Variants in TNPO2 observed in about 807,000 individuals in gnomAD.
TNPO2 encodes the protein transportin 2.
Under a neutral mutation model 111.1 loss-of-function variants are expected in TNPO2, and 16 were observed. The ratio of observed to expected loss-of-function variants is 0.14; its 90% CI spans 0.10 to 0.22. The LOEUF is 0.22. TNPO2 is among the 10% of genes least tolerant of loss of function. The probability of loss-of-function intolerance (pLI) is 1.00; values close to 1 mark genes in which losing one functional copy is unlikely to be tolerated. For missense variants in TNPO2, 530 were observed against 1,173.7 expected, an observed-to-expected ratio of 0.45 and a Z score of 8.01; for synonymous variants, 481 against 475.8, an observed-to-expected ratio of 1.01 and a Z score of -0.14.
chr19:12,706,307 G>A lies in TNPO2; in HGVS notation c.1557C>T (p.Ile519=), dbSNP rs1387539348. The change falls in exon 15 of 26, where the codon ATC becomes ATT. Residue 519 remains isoleucine, a synonymous_variant. Transcript: ENST00000425528. This position sits in a 1 kb window ranked among gnomAD's most constrained non-coding sequence, Gnocchi z 7.0. ...CTELVPYLSY[I]LDTLVFAFGK... ...CAAAGGCAAAGACAAGGGTGTCCAGGATGTAGCTGAGGTAGGGCACCAGCT... is the reference window on the plus strand; with the variant it reads ...CAAAGGCAAAGACAAGGGTGTCCAGAATGTAGCTGAGGTAGGGCACCAGCT... 3 of 1,613,918 alleles carry A rather than the reference G, an allele frequency of 1.9e-6. No homozygotes were observed. The highest frequency in any genetic ancestry group is 2.2e-5 in the South Asian group (2 of 91,092).
intron 10 of TNPO2, among the ~76,000 whole-genome samples, chr19:12,713,962 A>C (rs2026218401): frequency 6.6e-6 from 1 of 151,968 alleles, no homozygotes; most frequent in Admixed American, 6.6e-5. Flanking sequence ...CTGGGAGGTC[A>C]AGGCTGCAGT....
At chr19:12,704,044 C>T (rs959650965) in intron 18 of TNPO2, among the ~76,000 whole-genome samples, 4 of 152,274 alleles carry the variant, frequency 2.6e-5, no homozygotes, top group South Asian at 2.1e-4. Flanking sequence ...TAAAAATCCA[C>T]GGATGTGCAA....
Position 12,701,882 on chromosome 19 carries a change from G to T in TNPO2, c.2412-31C>A. On this transcript the variant is annotated intron_variant, in intron 22 of 25. Transcript: ENST00000425528. The surrounding 1 kb of genome is among the most constrained non-coding windows in gnomAD (Gnocchi z 5.0). The stretch of plus-strand genomic sequence containing the variant: ...GGAAGGTGAGCAGCTGGAGGTCAGA[G>T]GGCAGGCTGGGCATGCATCTGTGGA... The T allele has an allele frequency of 6.3e-7, 1 of 1,577,780 alleles. No homozygotes were observed. Among genetic ancestry groups the T allele is most frequent in the South Asian group, 1.1e-5 (1 of 90,356 alleles).
chr19:12,703,611 T>A (rs2025457978), intron 19 of TNPO2, 85 bp from the exon 20 acceptor site: 5 of 1,569,990 alleles, frequency 3.2e-6, no homozygotes, highest in Non-Finnish European at 8.8e-7. Context: ...CATCAGACAG[T>A]ACGAATACAT....
At position 12,701,778 on chromosome 19, in the gene TNPO2, C is replaced by G. The variant is rs769870314; in HGVS notation, c.2485G>C (p.Gly829Arg). 1 of 1,613,854 alleles carries G rather than the reference C, an allele frequency of 6.2e-7. No individual in the cohort carries two copies. Among genetic ancestry groups the G allele is most frequent in the Admixed American group, 1.7e-5 (1 of 60,020 alleles). The change falls in exon 23 of 26, where the codon GGT becomes CGT. Residue 829 changes from glycine to arginine, a missense_variant. Physicochemically the swap from Gly to Arg is moderately radical, Grantham distance 125. Transcript: ENST00000425528. The surrounding 1 kb of genome is among the most constrained non-coding windows in gnomAD (Gnocchi z 5.0). ...SAFRGICMMI[G>R]VNPGGVVQDF... ...TGCACAACGCCCCCCGGGTTGACACCGATCATCATGCAGATGCCGCGGAAG... is the reference window on the plus strand; with the variant it reads ...TGCACAACGCCCCCCGGGTTGACACGGATCATCATGCAGATGCCGCGGAAG...
intron 10 of TNPO2, 111 bp from the exon 11 acceptor site, chr19:12,711,724 A>G (rs184581908): frequency 1.3e-4 from 112 of 858,598 alleles, no homozygotes; most frequent in Admixed American, 2.4e-4. Flanking sequence ...CAGCCCCCCA[A>G]TCAGCCACAG....
In TNPO2 at chr19:12,710,891, T is replaced by C. The variant is rs532848675; in HGVS notation, c.1118-118A>G. 7 of 1,113,174 alleles carry C rather than the reference T, an allele frequency of 6.3e-6. No homozygotes were observed. The African/African-American group carries it at 6.4e-5, about 10-fold the overall frequency. The allele number at this position is 1,113,174 out of a possible 1,614,324, so 69.0% of individuals were successfully genotyped here. On this transcript the variant is annotated intron_variant, in intron 12 of 25. Coordinates refer to ENST00000425528, the MANE Select transcript of TNPO2 (RefSeq NM_001382241.1). Reference sequence around the variant, plus strand: ...CTCAGAATCTTCACGATCAGCTTCTTTTTTTTTGTTTTGTTTTTTTGAGAC... The same window carrying C: ...CTCAGAATCTTCACGATCAGCTTCTCTTTTTTTGTTTTGTTTTTTTGAGAC...
chr19:12,702,013 G>C lies in TNPO2; in HGVS notation c.2411+59C>G. 4 of 1,543,316 alleles carry C rather than the reference G, an allele frequency of 2.6e-6. No homozygotes were observed. The highest frequency in any genetic ancestry group is 2.7e-6 in the Non-Finnish European group (3 of 1,116,494). On this transcript the variant is annotated intron_variant, in intron 22 of 25. Coordinates refer to ENST00000425528, the MANE Select transcript of TNPO2 (RefSeq NM_001382241.1). This position sits in a 1 kb window ranked among gnomAD's most constrained non-coding sequence, Gnocchi z 5.5. ...GATGGGGCTGGAAATGCACAGGCGAGGGAGGGGGTTGGGCCAGTCCCGCCC... is the reference window on the plus strand; with the variant it reads ...GATGGGGCTGGAAATGCACAGGCGACGGAGGGGGTTGGGCCAGTCCCGCCC...
Position 12,715,128 on chromosome 19 carries a change from C to T in TNPO2, c.690G>A (p.Arg230=), listed in dbSNP as rs761525966. 1 of 1,598,746 alleles carries T rather than the reference C, an allele frequency of 6.3e-7. No homozygotes were observed. Among genetic ancestry groups the T allele is most frequent in the Non-Finnish European group, 8.5e-7 (1 of 1,171,058 alleles). ...ALAVDDDPEV[R]KNVCRALVML... is the part of the protein sequence containing the mutation. Reference sequence around the variant, plus strand: ...TCACCAGGGCACGGCACACATTCTTCCGCACCTCGGGGTCATCATCCACAG... The same window carrying T: ...TCACCAGGGCACGGCACACATTCTTTCGCACCTCGGGGTCATCATCCACAG... Residue 230 remains arginine (R), a synonymous_variant, in exon 9 of 26, where the codon CGG becomes CGA. Coordinates refer to ENST00000425528, the MANE Select transcript of TNPO2 (RefSeq NM_001382241.1). The surrounding 1 kb of genome is among the most constrained non-coding windows in gnomAD (Gnocchi z 7.1).
chr19:12,722,822 T>C (rs1326294251), intron 2 of TNPO2, among the ~76,000 whole-genome samples: 3 of 152,158 alleles, frequency 2.0e-5, no homozygotes, highest in Non-Finnish European at 4.4e-5. Context: ...CATCTTTCAC[T>C]GACCTGACCG....
chr19:12,711,662 T>G (rs374982883), intron 10 of TNPO2, 49 bp from the exon 11 acceptor site: 2 of 1,569,174 alleles, frequency 1.3e-6, no homozygotes, highest in Non-Finnish European at 1.7e-6. Flanking sequence ...GTGGCAAAAG[T>G]TGGGGGGAGG....
chr19:12,705,186 G>A lies in TNPO2; in HGVS notation c.2022+54C>T. The A allele has an allele frequency of 6.5e-7, 1 of 1,538,014 alleles. No individual in the cohort carries two copies. Among genetic ancestry groups the A allele is most frequent in the South Asian group, 1.2e-5 (1 of 84,288 alleles). On this transcript the variant is annotated intron_variant, in intron 18 of 25. Coordinates refer to ENST00000425528, the MANE Select transcript of TNPO2 (RefSeq NM_001382241.1). This position sits in a 1 kb window ranked among gnomAD's most constrained non-coding sequence, Gnocchi z 7.2. ...ACAACCAGGCCCTGACTCCCCACCAGGGGCAGCCCACGCAGGCTGCTGGGT... is the reference window on the plus strand; with the variant it reads ...ACAACCAGGCCCTGACTCCCCACCAAGGGCAGCCCACGCAGGCTGCTGGGT...
Position 12,720,952 on chromosome 19 carries a change from C to T in TNPO2, c.26G>A (p.Gly9Asp). 2 of 1,595,876 alleles carry T rather than the reference C, an allele frequency of 1.3e-6. No individual in the cohort carries two copies. The highest frequency in any genetic ancestry group is 1.7e-6 in the Non-Finnish European group (2 of 1,173,026). The change falls in exon 3 of 26, where the codon GGC becomes GAC. Residue 9 changes from glycine to aspartate, a missense_variant. By Grantham distance (94) the Gly-to-Asp change is moderately conservative (BLOSUM62 -1). This residue lies in a region of TNPO2 where 156 missense variants were observed against 405.8 expected (regional missense o/e 0.38). Coordinates refer to ENST00000425528, the MANE Select transcript of TNPO2 (RefSeq NM_001382241.1). MDWQPDEQ[G>D]LQQVLQLLKD... The stretch of plus-strand genomic sequence containing the variant: ...GAGCAGCTGCAGGACCTGCTGCAGG[C>T]CCTGCTCGTCTGGCTGCCAGTCCAT...
In TNPO2 at chr19:12,721,188, G is replaced by C. The variant is rs1966908887; in HGVS notation, c.-13-198C>G. Reference sequence around the variant, plus strand: ...CTCGGCCGCGCAGTCGCGGGCTCGGGAGCGCGGGAGGGGGGATGTGGAAAC... The same window carrying C: ...CTCGGCCGCGCAGTCGCGGGCTCGGCAGCGCGGGAGGGGGGATGTGGAAAC... On this transcript the variant is annotated intron_variant, in intron 2 of 25. Transcript: ENST00000425528. The surrounding 1 kb of genome is among the most constrained non-coding windows in gnomAD (Gnocchi z 4.9). 7.2e-7 allele frequency: 1 copy of C among 1,387,516 alleles called. No homozygotes were observed. Among genetic ancestry groups the C allele is most frequent in the Non-Finnish European group, 9.3e-7 (1 of 1,078,046 alleles). 86.0% of individuals were successfully genotyped at this position (1,387,516 alleles called of 1,614,324 possible).
chr19:12,719,440 C>A lies in TNPO2; in HGVS notation c.100-104G>T. On this transcript the variant is annotated intron_variant, in intron 3 of 25. Coordinates refer to ENST00000425528, the MANE Select transcript of TNPO2 (RefSeq NM_001382241.1). This position sits in a 1 kb window ranked among gnomAD's most constrained non-coding sequence, Gnocchi z 5.0. ...CTGACCACTGGGACCAGGCTGCCAG[C>A]TCCTGGGGGATCCCGCTCCCTAATA... is the stretch of plus-strand genomic sequence containing the variant. The A allele has an allele frequency of 1.1e-6, 1 of 949,356 alleles. No homozygotes were observed. The highest frequency in any genetic ancestry group is 1.7e-6 in the Non-Finnish European group (1 of 599,504). The allele number at this position is 949,356 out of a possible 1,614,324, so 58.8% of individuals were successfully genotyped here.
intron 10 of TNPO2, among the ~76,000 whole-genome samples, chr19:12,713,933 G>A (rs139458705): frequency 0.021 from 3,147 of 152,174 alleles, 100 homozygotes; most frequent in African/African-American, 0.071. Context: ...GGGAGGCTGA[G>A]GTAGGAGGAT....
Position 12,721,035 on chromosome 19 carries a change from C to T in TNPO2, c.-13-45G>A. On this transcript the variant is annotated intron_variant, in intron 2 of 25. Transcript: ENST00000425528. This position sits in a 1 kb window ranked among gnomAD's most constrained non-coding sequence, Gnocchi z 4.9. ...GGTCAGCGCTGGGTCTCTGGGGCTC[C>T]GTGTGAGACCCAGGTGGAGCCCCTG... 1.3e-6 allele frequency: 2 copies of T among 1,536,616 alleles called. No individual in the cohort carries two copies. The highest frequency in any genetic ancestry group is 1.7e-6 in the Non-Finnish European group (2 of 1,146,480).
In TNPO2 at chr19:12,716,151, G is replaced by A. The variant is rs558450948; in HGVS notation, c.326-412C>T. Among the ~76,000 whole-genome samples the A allele has an allele frequency of 7.4e-4, 112 of 152,270 alleles. 1 individual carries two copies. The highest frequency in any genetic ancestry group is 2.6e-3 in the African/African-American group (108 of 41,554). On this transcript the variant is annotated intron_variant, in intron 5 of 25. Transcript: ENST00000425528. ...CTCCAAAAGCACTGAGATTACAGGC[G>A]TGAGCCACCGCTCCTGGCCTTGACA...
Position 12,701,956 on chromosome 19 carries a change from G to C in TNPO2, c.2412-105C>G, listed in dbSNP as rs1275940553. 4.3e-6 allele frequency: 6 copies of C among 1,393,214 alleles called. No homozygotes were observed. The highest frequency in any genetic ancestry group is 4.6e-5 in the East Asian group (2 of 43,684). The allele number at this position is 1,393,214 out of a possible 1,614,324, so 86.3% of individuals were successfully genotyped here. A position where few individuals can be genotyped will look rare whatever the true frequency, so the allele number is the denominator to read the frequency against. ...GAGTGGGCCTGGGACATGCATCTGT[G>C]GGGGTGGGGCAGGGCAGGGAGTCAG... On this transcript the variant is annotated intron_variant, in intron 22 of 25. Coordinates refer to ENST00000425528, the MANE Select transcript of TNPO2 (RefSeq NM_001382241.1). The surrounding 1 kb of genome is among the most constrained non-coding windows in gnomAD (Gnocchi z 5.0).
Sources: allele counts gnomAD v4.1 joint callset (sites outside exome capture counted in the v4.1 genomes callset), GRCh38; gene constraint gnomAD v4.1.1; regional missense constraint gnomAD v4.1.1; non-coding constraint Gnocchi (gnomAD v3.1); transcripts MANE v1.5; gene names NCBI Gene and HGNC (gene_info 2026-07-23, HGNC 2026-07-21).